The following LDLRAD4 variants were observed in gnomAD, a reference collection of about 807,000 sequenced individuals.
LDLRAD4 encodes low-density lipoprotein receptor class A domain-containing protein 4.
Under a neutral mutation model 17.0 loss-of-function variants are expected in LDLRAD4, and 5 were observed. That is an observed-to-expected ratio of 0.29 (90% confidence interval 0.15 to 0.62). The LOEUF (loss-of-function observed/expected upper bound fraction) is 0.62. Ranked by LOEUF, LDLRAD4 falls within the 20% of genes least tolerant of loss-of-function variation. The pLI is 0.84. For synonymous variants in LDLRAD4, 168 were observed against 171.8 expected (o/e 0.98, Z 0.17); for missense variants, 340 against 424.7 (o/e 0.80, Z 1.75).
chr18:13,443,471 T>G (rs1394002246), intron 3 of LDLRAD4, among the ~76,000 whole-genome samples: 1 of 152,222 alleles, frequency 6.6e-6, no homozygotes, highest in Non-Finnish European at 1.5e-5. Flanking sequence ...GCAGTAAACC[T>G]TAACCATAAT....
chr18:13,483,619 G>A (rs2093149252), intron 3 of LDLRAD4, among the ~76,000 whole-genome samples: 1 of 152,212 alleles, frequency 6.6e-6, no homozygotes, highest in Non-Finnish European at 1.5e-5. Flanking sequence ...TAGTCGGCAA[G>A]CTAGGATGTG....
At chr18:13,363,762 G>GAT in intron 1 of LDLRAD4, among the ~76,000 whole-genome samples, 1 of 152,226 alleles carries the variant, frequency 6.6e-6, no homozygotes, top group East Asian at 1.9e-4. Context: ...TGGTCTCACA[G>GAT]ATAGCTTGAG....
At chr18:13,476,064 G>C (rs76819443) in intron 3 of LDLRAD4, among the ~76,000 whole-genome samples, 7 of 152,178 alleles carry the variant, frequency 4.6e-5, no homozygotes, top group Admixed American at 6.5e-5. Context: ...GGATTAATCC[G>C]GGGGGACCAG....
chr18:13,269,673 G>A (rs1335615852), intron 1 of LDLRAD4, among the ~76,000 whole-genome samples: 3 of 152,084 alleles, frequency 2.0e-5, no homozygotes, highest in East Asian at 1.9e-4. Flanking sequence ...GACGTCATGT[G>A]CTCACACTTG....
At chr18:13,635,931 C>CTGTGTGTGTGTGTG (rs60695092) in intron 4 of LDLRAD4, among the ~76,000 whole-genome samples, 34 of 147,448 alleles carry the variant, frequency 2.3e-4, no homozygotes, top group Middle Eastern at 3.5e-3. Context: ...GACAGCTATG[C>CTGTGTGTGTGTGTG]TGTGTGTGTG....
intron 1 of LDLRAD4, among the ~76,000 whole-genome samples, chr18:13,351,834 C>T (rs1011095815): frequency 6.6e-6 from 1 of 152,144 alleles, no homozygotes; most frequent in African/African-American, 2.4e-5. Flanking sequence ...AGGTCAATAT[C>T]CCTGATGAAC....
chr18:13,453,631 A>G (rs1446814181), intron 3 of LDLRAD4, among the ~76,000 whole-genome samples: 1 of 152,160 alleles, frequency 6.6e-6, no homozygotes, highest in Non-Finnish European at 1.5e-5. Context: ...TTTCTTTGTA[A>G]ATAGTGTTAT....
At chr18:13,494,405 A>C (rs541020672) in intron 3 of LDLRAD4, among the ~76,000 whole-genome samples, 7 of 152,056 alleles carry the variant, frequency 4.6e-5, no homozygotes, top group African/African-American at 1.4e-4. Context: ...TTCACACTGC[A>C]ATGTGCCACC....
intron 3 of LDLRAD4, chr18:13,620,912 G>C: frequency 1.5e-6 from 1 of 664,588 alleles, no homozygotes; most frequent in South Asian, 1.9e-5. Flanking sequence ...CCCGCTCCCC[G>C]CAGCTGGTTT....
rs770238240 is a variant in LDLRAD4, at chr18:13,387,747, A to G, written c.25A>G (p.Thr9Ala). 3.1e-6 allele frequency: 5 copies of G among 1,614,014 alleles called. No homozygotes were observed. In the South Asian group the frequency reaches 5.5e-5, roughly 18 times the overall value. ...TATGCCGGAAGCTGGTTTTCAGGCC[A>G]CAAATGCTTTCACAGGTGAGCATGC... Residue 9 changes from threonine (T) to alanine (A), a missense_variant, in exon 2 of 6, where the codon ACA becomes GCA. Physicochemically the swap from Thr to Ala is moderately conservative, Grantham distance 58 (BLOSUM62 0). Transcript: ENST00000359446.
chr18:13,460,307 C>CT (rs2092368328), intron 3 of LDLRAD4, among the ~76,000 whole-genome samples: 1 of 152,162 alleles, frequency 6.6e-6, no homozygotes, highest in Non-Finnish European at 1.5e-5. Context: ...ATCCTTCTGT[C>CT]TCAGCCTCCT....
chr18:13,609,335 GAAGCACCATCTTC>G (rs1400737387), intron 3 of LDLRAD4, among the ~76,000 whole-genome samples: 2 of 152,154 alleles, frequency 1.3e-5, no homozygotes, highest in Non-Finnish European at 2.9e-5. Context: ...CTTCCTTTCT[GAAGCACCATCTTC>G]AAGTGGTGCT....
intron 3 of LDLRAD4, among the ~76,000 whole-genome samples, chr18:13,450,023 C>T (rs566860009): frequency 2.0e-5 from 3 of 152,296 alleles, no homozygotes; most frequent in African/African-American, 7.2e-5. Context: ...GAACACATTA[C>T]CGAGAGAGTT....
At chr18:13,652,413 G>A (rs1417122522) in exon 6 of LDLRAD4, 1 of 152,260 alleles carries the variant, frequency 6.6e-6, no homozygotes, top group African/African-American at 2.4e-5. Flanking sequence ...TTATTATAAA[G>A]CAATCTACTA....
rs149504505 is a variant in LDLRAD4 at position 13,606,852 on chromosome 18, A to G, written c.182-14265A>G. Among the ~76,000 whole-genome samples, 190 of 152,366 alleles carry G rather than the reference A, an allele frequency of 1.2e-3. 1 individual carries two copies. The highest frequency in any genetic ancestry group is 4.2e-3 in the African/African-American group (175 of 41,582). On this transcript the variant is annotated intron_variant, in intron 3 of 5. Transcript: ENST00000359446. ...TAAACCTCAAAGAATGGGAATTTGT[A>G]ATGGGCAGAGCCATCGATTCTTAAC...
chr18:13,634,438 G>A (rs1278685690), intron 4 of LDLRAD4, among the ~76,000 whole-genome samples: 1 of 152,038 alleles, frequency 6.6e-6, no homozygotes, highest in Non-Finnish European at 1.5e-5. Flanking sequence ...GAACAATTCG[G>A]TAAGGAAATT....
intron 1 of LDLRAD4, among the ~76,000 whole-genome samples, chr18:13,361,719 C>G (rs2083683003): frequency 6.6e-6 from 1 of 152,136 alleles, no homozygotes; most frequent in African/African-American, 2.4e-5. Context: ...TGAGAAGGGA[C>G]AGTTGCAACA....
chr18:13,510,703 G>A (rs2093764376), intron 3 of LDLRAD4, among the ~76,000 whole-genome samples: 1 of 152,166 alleles, frequency 6.6e-6, no homozygotes, highest in Non-Finnish European at 1.5e-5. Flanking sequence ...ATGAGGAAAG[G>A]CAAAGTCAGT....
intron 1 of LDLRAD4, among the ~76,000 whole-genome samples, chr18:13,380,692 G>A (rs1274117690): frequency 2.6e-5 from 4 of 152,220 alleles, no homozygotes; most frequent in Non-Finnish European, 4.4e-5. Context: ...ACATTTTAAA[G>A]AATGTTCTAA....
Sources: allele counts gnomAD v4.1 joint callset (sites outside exome capture counted in the v4.1 genomes callset), GRCh38; gene constraint gnomAD v4.1.1; transcripts MANE v1.5; gene names NCBI Gene and HGNC (gene_info 2026-07-23, HGNC 2026-07-21).